Variants in RIMBP2 observed in about 807,000 individuals in gnomAD.
RIMBP2 encodes RIMS binding protein 2, also known as RIMS-binding protein 2.
A neutral mutation model predicts 118.6 loss-of-function variants in RIMBP2; 48 were observed. That is an observed-to-expected ratio of 0.40 (90% CI 0.32 to 0.51). The LOEUF is 0.51. Among genes scored for constraint, RIMBP2 ranks in the 20% least tolerant of loss-of-function variants. The pLI, the probability that RIMBP2 is intolerant of heterozygous loss-of-function variation, is 0.41. For synonymous variants in RIMBP2, 762 were observed against 742.9 expected, an observed-to-expected ratio of 1.03 and a Z score of -0.42; for missense variants, 1,551 against 1,768.3, an observed-to-expected ratio of 0.88 and a Z score of 2.20.
At chr12:130,596,097 G>A (rs550593908) in intron 2 of RIMBP2, among the ~76,000 whole-genome samples, 1 of 152,212 alleles carries the variant, frequency 6.6e-6, no homozygotes, top group African/African-American at 2.4e-5. Context: ...TTTCTAGGAG[G>A]CCATTTCAGA....
intron 19 of RIMBP2, among the ~76,000 whole-genome samples, chr12:130,411,708 G>C (rs1285741896): frequency 6.6e-6 from 1 of 152,176 alleles, no homozygotes; most frequent in East Asian, 1.9e-4. Flanking sequence ...GAGTAGAGGG[G>C]ATAAAGGGCT....
chr12:130,553,076 C>T (rs1224566970), intron 2 of RIMBP2, among the ~76,000 whole-genome samples: 1 of 151,628 alleles, frequency 6.6e-6, no homozygotes, highest in African/African-American at 2.4e-5. Context: ...TGGCGTGAAC[C>T]TGGGAGGCAG....
chr12:130,416,708 C>T (rs2076120143), intron 17 of RIMBP2, among the ~76,000 whole-genome samples: 1 of 152,104 alleles, frequency 6.6e-6, no homozygotes, highest in African/African-American at 2.4e-5. Flanking sequence ...GCCACACAAA[C>T]AAAAATTAAC....
At chr12:130,676,577 C>T (rs1312941227) in intron 1 of RIMBP2, among the ~76,000 whole-genome samples, 21 of 151,024 alleles carry the variant, frequency 1.4e-4, no homozygotes, top group South Asian at 4.2e-4. Flanking sequence ...GAGCCAAGAT[C>T]GAGCCACTGA....
chr12:130,657,005 C>T (rs2063460128), intron 1 of RIMBP2, among the ~76,000 whole-genome samples: 1 of 152,256 alleles, frequency 6.6e-6, no homozygotes, highest in Non-Finnish European at 1.5e-5. Context: ...AGTGATCCTC[C>T]TGCCTCAGTC....
chr12:130,435,969 A>G (rs935546905), intron 13 of RIMBP2, among the ~76,000 whole-genome samples: 2 of 152,206 alleles, frequency 1.3e-5, no homozygotes, highest in African/African-American at 4.8e-5. Context: ...GAACACTCAC[A>G]GGAGGACAGT....
chr12:130,641,754 C>A (rs2062633318), intron 1 of RIMBP2, among the ~76,000 whole-genome samples: 1 of 152,134 alleles, frequency 6.6e-6, no homozygotes, highest in Admixed American at 6.5e-5. Context: ...CAGGGCACCT[C>A]ATGCCCCTTA....
At chr12:130,713,235 A>AAGGAAGGAAGGAAGGAAGAT (rs1950073956) in intron 1 of RIMBP2, among the ~76,000 whole-genome samples, 25 of 147,634 alleles carry the variant, frequency 1.7e-4, no homozygotes, top group African/African-American at 2.5e-4. Flanking sequence ...GGAAGGAAGG[A>AAGGAAGGAAGGAAGGAAGAT]AGGAAGGAAG....
At chr12:130,608,966 C>A (rs2060345681) in intron 2 of RIMBP2, among the ~76,000 whole-genome samples, 1 of 152,128 alleles carries the variant, frequency 6.6e-6, no homozygotes, top group African/African-American at 2.4e-5. Flanking sequence ...TAACCACATT[C>A]CATTCTCTAC....
chr12:130,673,525 G>A (rs1197235101), intron 1 of RIMBP2, among the ~76,000 whole-genome samples: 1 of 152,206 alleles, frequency 6.6e-6, no homozygotes, highest in African/African-American at 2.4e-5. Context: ...CAGCCCAGAG[G>A]CCCACGGAGC....
At chr12:130,564,276 C>T (rs901705321) in intron 2 of RIMBP2, among the ~76,000 whole-genome samples, 2 of 152,150 alleles carry the variant, frequency 1.3e-5, no homozygotes, top group African/African-American at 4.8e-5. Context: ...CCTTTTACAA[C>T]TTCTCAGATG....
At chr12:130,531,897 T>G (rs1401833502) in intron 2 of RIMBP2, among the ~76,000 whole-genome samples, 1 of 146,940 alleles carries the variant, frequency 6.8e-6, no homozygotes. Flanking sequence ...ATGCGTATGT[T>G]TAGCCTCTAG....
intron 1 of RIMBP2, among the ~76,000 whole-genome samples, chr12:130,675,721 A>T (rs2064429578): frequency 6.6e-6 from 1 of 152,168 alleles, no homozygotes; most frequent in Non-Finnish European, 1.5e-5. Context: ...CAGCACTCCG[A>T]TATAAAGTCT....
chr12:130,676,090 G>A (rs887526375), intron 1 of RIMBP2, among the ~76,000 whole-genome samples: 1 of 152,202 alleles, frequency 6.6e-6, no homozygotes, highest in African/African-American at 2.4e-5. Flanking sequence ...ATCAGGCACC[G>A]GACCTGCTGA....
intron 2 of RIMBP2, among the ~76,000 whole-genome samples, chr12:130,626,437 C>T (rs186318761): frequency 8.2e-4 from 120 of 145,742 alleles, no homozygotes; most frequent in African/African-American, 2.1e-3. Context: ...ACCATGACTA[C>T]CACTGGCATC....
In RIMBP2 at chr12:130,584,282, GCCATCACCA is replaced by G. The variant is rs1470561553; in HGVS notation, c.-217+44031_-217+44039del. Reference sequence around the variant, plus strand: ...CCACCATCACCACCATCACCTCATCGCCATCACCACCATCACATCACCACCATCACCTCC... The same window carrying G: ...CCACCATCACCACCATCACCTCATCGCCATCACATCACCACCATCACCTCC... On this transcript the variant is annotated intron_variant, in intron 2 of 22. Coordinates refer to ENST00000690449, the MANE Select transcript of RIMBP2 (RefSeq NM_001393629.1). 2.5e-4 allele frequency among the ~76,000 whole-genome samples: 4 copies of G among 16,104 alleles called. 2 individuals carry two copies. 10.6% of individuals were successfully genotyped at this position (16,104 alleles called of 152,430 possible).
At chr12:130,479,344 G>T (rs1423004615) in intron 4 of RIMBP2, among the ~76,000 whole-genome samples, 1 of 152,228 alleles carries the variant, frequency 6.6e-6, no homozygotes, top group Middle Eastern at 3.2e-3. Flanking sequence ...TCTCCCTCCT[G>T]TGCCTTTTTT....
chr12:130,667,387 T>C (rs1249056761), intron 1 of RIMBP2: 1 of 152,162 alleles, frequency 6.6e-6, no homozygotes, highest in Non-Finnish European at 1.5e-5. Flanking sequence ...GAGGAATTGT[T>C]TACAGAGTTG....
chr12:130,553,398 AATT>A (rs767718048), intron 2 of RIMBP2, among the ~76,000 whole-genome samples: 2 of 152,212 alleles, frequency 1.3e-5, no homozygotes, highest in Non-Finnish European at 2.9e-5. Context: ...ATGTGAGCAT[AATT>A]ATTATCATCC....
Sources: allele counts gnomAD v4.1 joint callset (sites outside exome capture counted in the v4.1 genomes callset), GRCh38; gene constraint gnomAD v4.1.1; transcripts MANE v1.5; gene names NCBI Gene and HGNC (gene_info 2026-07-23, HGNC 2026-07-21).